NOL4: variants seen among roughly 807,000 people sequenced by gnomAD.
The protein encoded by NOL4 is cancer/testis antigen 125.
In NOL4, 17 loss-of-function variants were observed where a neutral mutation model predicts 75.9. The ratio of observed to expected loss-of-function variants is 0.22; its 90% CI spans 0.15 to 0.34. The LOEUF (loss-of-function observed/expected upper bound fraction) is 0.34, where lower values mean the gene tolerates loss of function less well. Ranked by LOEUF, NOL4 falls within the 10% of genes least tolerant of loss-of-function variation. The pLI, the probability that NOL4 is intolerant of heterozygous loss-of-function variation, is 1.00. For synonymous variants in NOL4, 292 were observed against 289.9 expected (o/e 1.01, Z -0.07); for missense variants, 614 against 793.5 (o/e 0.77, Z 2.72).
intron 1 of NOL4, among the ~76,000 whole-genome samples, chr18:34,177,518 C>T (rs2033659745): frequency 6.6e-6 from 1 of 151,918 alleles, no homozygotes; most frequent in African/African-American, 2.4e-5. Context: ...AAAACTGAGA[C>T]AGGCTGAGTG....
intron 10 of NOL4, among the ~76,000 whole-genome samples, chr18:33,870,283 T>TA (rs2063633221): frequency 6.6e-6 from 1 of 152,032 alleles, no homozygotes; most frequent in African/African-American, 2.4e-5. Context: ...ATATGTGGAA[T>TA]CCAAAGAATT....
chr18:34,204,750 C>A (rs561539273), intron 1 of NOL4, among the ~76,000 whole-genome samples: 36 of 151,488 alleles, frequency 2.4e-4, no homozygotes, highest in African/African-American at 8.7e-4. Context: ...TAAGTTTATA[C>A]CAATTATATA....
intron 6 of NOL4, among the ~76,000 whole-genome samples, chr18:33,989,044 A>G (rs976907039): frequency 2.6e-5 from 4 of 151,632 alleles, no homozygotes; most frequent in African/African-American, 9.7e-5. Flanking sequence ...AAAATTAGCC[A>G]GGTATAGTGG....
chr18:34,039,407 T>A (rs190861344), intron 5 of NOL4, among the ~76,000 whole-genome samples: 36 of 152,138 alleles, frequency 2.4e-4, no homozygotes, highest in African/African-American at 8.2e-4. Context: ...ACTTTCATTT[T>A]CACTTTTGGC....
At chr18:34,107,437 T>A (rs1391442001) in intron 2 of NOL4, among the ~76,000 whole-genome samples, 1 of 152,110 alleles carries the variant, frequency 6.6e-6, no homozygotes, top group Non-Finnish European at 1.5e-5. Context: ...CATGTCACTA[T>A]CTATTACATA....
At chr18:33,965,859 T>C (rs2070539552) in intron 6 of NOL4, among the ~76,000 whole-genome samples, 1 of 152,000 alleles carries the variant, frequency 6.6e-6, no homozygotes, top group Non-Finnish European at 1.5e-5. Flanking sequence ...GGACTAATAC[T>C]CCCTGTCTCT....
intron 5 of NOL4, among the ~76,000 whole-genome samples, chr18:34,079,028 C>A (rs1358911290): frequency 6.6e-6 from 1 of 152,014 alleles, no homozygotes; most frequent in African/African-American, 2.4e-5. Context: ...GTTTATTTGC[C>A]CCACTTCTGG....
rs934413399 is a variant in NOL4 at position 34,120,644 on chromosome 18, G to A, written c.414+9227C>T. 2.6e-5 allele frequency among the ~76,000 whole-genome samples: 4 copies of A among 152,176 alleles called. No individual in the cohort carries two copies. In the East Asian group the frequency reaches 7.7e-4, roughly 29 times the overall value. On this transcript the variant is annotated intron_variant, in intron 2 of 10. Coordinates refer to ENST00000261592, the MANE Select transcript of NOL4 (RefSeq NM_003787.5). ...TTCAGACGGATAAAAACAATTTGGA[G>A]ATTTGAGGCAAATGCATTCAACACA...
intron 1 of NOL4, among the ~76,000 whole-genome samples, chr18:34,193,835 G>A (rs2035099555): frequency 6.6e-6 from 1 of 152,126 alleles, no homozygotes; most frequent in African/African-American, 2.4e-5. Context: ...ATCAACCAGT[G>A]TCCATCAACA....
chr18:33,917,209 C>G (rs936599900), intron 9 of NOL4, among the ~76,000 whole-genome samples: 5 of 152,014 alleles, frequency 3.3e-5, no homozygotes, highest in Non-Finnish European at 7.4e-5. Flanking sequence ...ATGACGGGCA[C>G]AGTTGTGTGT....
At chr18:34,071,149 A>C (rs1415781617) in intron 5 of NOL4, among the ~76,000 whole-genome samples, 3 of 152,194 alleles carry the variant, frequency 2.0e-5, no homozygotes, top group Non-Finnish European at 2.9e-5. Context: ...TGGATATACC[A>C]AAAAACATGA....
intron 5 of NOL4, among the ~76,000 whole-genome samples, chr18:34,074,581 AAAG>A (rs1270128016): frequency 3.3e-5 from 5 of 152,166 alleles, no homozygotes; most frequent in African/African-American, 1.2e-4. Flanking sequence ...ATGCAAGCAT[AAAG>A]AATAATAAAA....
At chr18:33,946,700 A>G (rs543087748) in intron 8 of NOL4, among the ~76,000 whole-genome samples, 1 of 151,900 alleles carries the variant, frequency 6.6e-6, no homozygotes, top group African/African-American at 2.4e-5. Context: ...CTTCAGTTAA[A>G]TGGTTGAAGT....
intron 1 of NOL4, among the ~76,000 whole-genome samples, chr18:34,171,526 C>G (rs1334898201): frequency 6.6e-6 from 1 of 152,128 alleles, no homozygotes; most frequent in Non-Finnish European, 1.5e-5. Flanking sequence ...CCAGAATATT[C>G]ACTTTGTACC....
chr18:33,981,717 G>A (rs1233731172), intron 6 of NOL4, among the ~76,000 whole-genome samples: 3 of 152,052 alleles, frequency 2.0e-5, no homozygotes, highest in African/African-American at 7.2e-5. Context: ...AATAATATAG[G>A]TTAATGACTT....
intron 6 of NOL4, among the ~76,000 whole-genome samples, chr18:34,000,144 C>A (rs2073592850): frequency 6.6e-6 from 1 of 152,108 alleles, no homozygotes; most frequent in Non-Finnish European, 1.5e-5. Flanking sequence ...AGGTAGATAA[C>A]AAATAGTCTT....
chr18:33,943,219 A>C, intron 8 of NOL4, 41 bp from the exon 9 acceptor site: 1 of 1,392,672 alleles, frequency 7.2e-7, no homozygotes, highest in Non-Finnish European at 1.0e-6. Flanking sequence ...AATTATTAAC[A>C]GTATCATTAA....
intron 1 of NOL4, among the ~76,000 whole-genome samples, chr18:34,214,106 G>A (rs929719951): frequency 6.6e-6 from 1 of 152,126 alleles, no homozygotes; most frequent in African/African-American, 2.4e-5. Flanking sequence ...CAAGATGACA[G>A]AAAGTATTTT....
rs139615854 is a variant in NOL4 at position 34,157,510 on chromosome 18, G to A, written c.265-27490C>T. On this transcript the variant is annotated intron_variant, in intron 1 of 10. Coordinates refer to ENST00000261592, the MANE Select transcript of NOL4 (RefSeq NM_003787.5). ...TGAAGTAGCTCAGAAAAAAGGTCTA[G>A]AGCTCAGAGAAAAGTTTGCACAAGA... is the stretch of plus-strand genomic sequence containing the variant. Among the ~76,000 whole-genome samples the A allele has an allele frequency of 2.1e-4, 32 of 151,964 alleles. No homozygotes were observed. The East Asian group carries it at 6.2e-3, about 29-fold the overall frequency.
Sources: allele counts gnomAD v4.1 joint callset (sites outside exome capture counted in the v4.1 genomes callset), GRCh38; gene constraint gnomAD v4.1.1; transcripts MANE v1.5; gene names NCBI Gene and HGNC (gene_info 2026-07-23, HGNC 2026-07-21).